The following HAPSTR1 variants were observed in gnomAD, a reference collection of about 807,000 sequenced individuals.
The protein encoded by HAPSTR1 is HUWE1 associated protein modifying stress responses.
chr16:9,120,906 T>G, the HAPSTR1 span: 40 of 152,258 alleles, frequency 2.6e-4, no homozygotes, highest in African/African-American at 9.1e-4. Context: ...CAGAATAGTA[T>G]TCCCTTGTAC....
At chr16:9,118,410 A>G in the HAPSTR1 span, 7 of 152,652 alleles carry the variant, frequency 4.6e-5, no homozygotes, top group Admixed American at 1.3e-4. Flanking sequence ...TTCTGTGAAG[A>G]AACTTTGCTG....
the HAPSTR1 span, chr16:9,092,811 C>G: frequency 8.7e-7 from 1 of 1,151,026 alleles, no homozygotes; most frequent in African/African-American, 1.6e-5. Context: ...CCTAATATGG[C>G]CGTTCCGGAG....
the HAPSTR1 span, among the ~76,000 whole-genome samples, chr16:9,099,819 T>C: frequency 5.3e-5 from 8 of 152,238 alleles, no homozygotes; most frequent in Non-Finnish European, 1.0e-4. Context: ...AATGTAGTCA[T>C]GCCTAAGATT....
chr16:9,105,022 T>C, the HAPSTR1 span: 1 of 152,194 alleles, frequency 6.6e-6, no homozygotes, highest in African/African-American at 2.4e-5. Flanking sequence ...ATGCTTGTTA[T>C]CTTAACGTAG....
the HAPSTR1 span, chr16:9,119,788 A>C: frequency 3.3e-5 from 5 of 152,246 alleles, no homozygotes; most frequent in African/African-American, 1.2e-4. Flanking sequence ...AAAAAGAATT[A>C]GCTTTCTAAA....
chr16:9,119,655 T>C, the HAPSTR1 span: 852 of 152,350 alleles, frequency 5.6e-3, 7 homozygotes, highest in African/African-American at 0.019. Context: ...ACTGGAGTAG[T>C]GATAAACACC....
chr16:9,116,853 G>C, the HAPSTR1 span: 5 of 1,614,052 alleles, frequency 3.1e-6, no homozygotes, highest in African/African-American at 1.3e-5. Flanking sequence ...GCGTACCTCA[G>C]CCCAGTGTGG....
the HAPSTR1 span, chr16:9,111,133 TAC>T: frequency 6.6e-6 from 1 of 152,252 alleles, no homozygotes; most frequent in Non-Finnish European, 1.5e-5. Flanking sequence ...TGTTGGATTA[TAC>T]ACATTCACCT....
the HAPSTR1 span, among the ~76,000 whole-genome samples, chr16:9,099,621 G>C: frequency 6.6e-6 from 1 of 152,212 alleles, no homozygotes; most frequent in Non-Finnish European, 1.5e-5. Context: ...TTTGGTTTCT[G>C]TAAAATAGTG....
At chr16:9,091,895 G>T in the HAPSTR1 span, 1 of 542,042 alleles carries the variant, frequency 1.8e-6, no homozygotes, top group Non-Finnish European at 2.8e-6. Context: ...CCGGCCGTCG[G>T]GGTGCAGGAG....
the HAPSTR1 span, chr16:9,106,812 CATT>C: frequency 6.6e-6 from 1 of 152,070 alleles, no homozygotes; most frequent in East Asian, 1.9e-4. Context: ...TATAAAATAA[CATT>C]ATTATAAATT....
chr16:9,094,000 T>C, the HAPSTR1 span, among the ~76,000 whole-genome samples: 1 of 152,160 alleles, frequency 6.6e-6, no homozygotes, highest in African/African-American at 2.4e-5. Context: ...TTGCCATATA[T>C]ATTTAGGCCA....
chr16:9,094,572 C>T, the HAPSTR1 span, among the ~76,000 whole-genome samples: 4 of 151,920 alleles, frequency 2.6e-5, no homozygotes, highest in Non-Finnish European at 5.9e-5. Context: ...TGTTTTTTCT[C>T]CTCCATCATG....
chr16:9,095,506 A>C, the HAPSTR1 span, among the ~76,000 whole-genome samples: 6,433 of 152,124 alleles, frequency 0.042, 453 homozygotes, highest in African/African-American at 0.15. Context: ...TGTATTTTGT[A>C]TAATATCTGA....
chr16:9,119,900 T>C, the HAPSTR1 span: 1 of 152,184 alleles, frequency 6.6e-6, no homozygotes. Context: ...ACTTCCTTTA[T>C]AGTGAGAGGG....
the HAPSTR1 span, chr16:9,116,729 TGTA>T: frequency 1.9e-6 from 3 of 1,614,180 alleles, no homozygotes; most frequent in Non-Finnish European, 2.5e-6. Flanking sequence ...CTCCTACACA[TGTA>T]AGCAGTGGAT....
chr16:9,105,436 T>G, the HAPSTR1 span: 2 of 152,210 alleles, frequency 1.3e-5, no homozygotes, highest in African/African-American at 4.8e-5. Flanking sequence ...TAAATTATAC[T>G]GAGTTGTGCT....
the HAPSTR1 span, chr16:9,092,147 G>A: frequency 5.1e-6 from 8 of 1,560,104 alleles, no homozygotes; most frequent in African/African-American, 4.1e-5. Context: ...GGCCGAACAG[G>A]ACGAGCAGCT....
chr16:9,100,627 A>T, the HAPSTR1 span, among the ~76,000 whole-genome samples: 3 of 151,866 alleles, frequency 2.0e-5, no homozygotes, highest in African/African-American at 7.3e-5. Context: ...TCTGCTTCCC[A>T]GGTTCAAGTG....
Sources: allele counts gnomAD v4.1 joint callset (sites outside exome capture counted in the v4.1 genomes callset), GRCh38; gene constraint gnomAD v4.1.1; transcripts MANE v1.5; gene names NCBI Gene and HGNC (gene_info 2026-07-23, HGNC 2026-07-21).